Variants in MIR2052HG observed in about 807,000 individuals in gnomAD.
The protein encoded by MIR2052HG is MIR2052 host gene.
intron 2 of MIR2052HG, among the ~76,000 whole-genome samples, chr8:74,693,833 C>T (rs1180835786): frequency 6.6e-6 from 1 of 152,114 alleles, no homozygotes. Context: ...AGTCTGAGCT[C>T]AGACACCTCT....
At chr8:74,725,761 T>C (rs1354771743) in intron 4 of MIR2052HG, among the ~76,000 whole-genome samples, 1 of 152,190 alleles carries the variant, frequency 6.6e-6, no homozygotes, top group African/African-American at 2.4e-5. Context: ...ACAAAGTGCA[T>C]TTTAATTGCT....
chr8:74,687,171 G>A (rs1809189392), intron 2 of MIR2052HG, among the ~76,000 whole-genome samples: 1 of 152,096 alleles, frequency 6.6e-6, no homozygotes, highest in African/African-American at 2.4e-5. Flanking sequence ...CTGTTAGAAT[G>A]GCTAATATCA....
intron 2 of MIR2052HG, among the ~76,000 whole-genome samples, chr8:74,673,422 A>G (rs746259832): frequency 6.6e-5 from 10 of 152,014 alleles, no homozygotes; most frequent in African/African-American, 1.4e-4. Flanking sequence ...GATTTGCTCT[A>G]CTGATATTCT....
intron 2 of MIR2052HG, among the ~76,000 whole-genome samples, chr8:74,701,577 G>C (rs999478445): frequency 6.6e-6 from 1 of 152,044 alleles, no homozygotes; most frequent in Non-Finnish European, 1.5e-5. Flanking sequence ...CCTAGGTTAT[G>C]ACATTGGCTC....
chr8:74,754,671 AAG>A (rs1265940296), intron 5 of MIR2052HG, among the ~76,000 whole-genome samples: 1 of 152,136 alleles, frequency 6.6e-6, no homozygotes, highest in Non-Finnish European at 1.5e-5. Context: ...GAAGGCGAGA[AAG>A]AGAACTGTGG....
At chr8:74,644,649 G>T (rs1383561695) in intron 2 of MIR2052HG, among the ~76,000 whole-genome samples, 1 of 152,030 alleles carries the variant, frequency 6.6e-6, no homozygotes, top group African/African-American at 2.4e-5. Context: ...CTAGCACTTT[G>T]GGGGGCTGAG....
intron 4 of MIR2052HG, among the ~76,000 whole-genome samples, chr8:74,719,091 T>C (rs1206829441): frequency 1.4e-5 from 2 of 139,872 alleles, no homozygotes; most frequent in Non-Finnish European, 3.1e-5. Flanking sequence ...TTTTTTTTTT[T>C]CTGTGCACGT....
intron 2 of MIR2052HG, among the ~76,000 whole-genome samples, chr8:74,696,846 A>G (rs1220597313): frequency 6.6e-6 from 1 of 152,122 alleles, no homozygotes; most frequent in Non-Finnish European, 1.5e-5. Context: ...CACAAAAAAA[A>G]AAGTCCAGGA....
At chr8:74,604,807 T>A (rs938964087) in intron 1 of MIR2052HG, among the ~76,000 whole-genome samples, 2 of 152,006 alleles carry the variant, frequency 1.3e-5, no homozygotes, top group African/African-American at 4.8e-5. Context: ...TTAGTCAGGC[T>A]AGTCTTGAAC....
At chr8:74,724,487 A>G (rs1369754092) in intron 4 of MIR2052HG, among the ~76,000 whole-genome samples, 1 of 152,190 alleles carries the variant, frequency 6.6e-6, no homozygotes, top group Non-Finnish European at 1.5e-5. Flanking sequence ...TTTGCTTTTC[A>G]GAGAGAATAA....
chr8:74,715,910 G>C (rs562205714), intron 4 of MIR2052HG, among the ~76,000 whole-genome samples: 77 of 152,314 alleles, frequency 5.1e-4, no homozygotes, highest in Non-Finnish European at 9.3e-4. Context: ...ATTAGAAAAT[G>C]TATGCAAAAT....
chr8:74,714,987 T>C lies in MIR2052HG; in HGVS notation n.371+11305T>C, dbSNP rs148421056. 1.2e-4 allele frequency among the ~76,000 whole-genome samples: 19 copies of C among 152,304 alleles called. No individual in the cohort carries two copies. In the East Asian group the frequency reaches 3.7e-3, roughly 29 times the overall value. Reference sequence around the variant, plus strand: ...GAGCCACAGTGCCCGGTCCTACTTTTTCCTTTTCTATTGTTTTTTTATTGC... The same window carrying C: ...GAGCCACAGTGCCCGGTCCTACTTTCTCCTTTTCTATTGTTTTTTTATTGC... On this transcript the variant is annotated intron_variant and non_coding_transcript_variant, in intron 4 of 6. Coordinates refer to ENST00000523442, the Ensembl canonical transcript of MIR2052HG.
intron 2 of MIR2052HG, chr8:74,613,059 T>C: frequency 2.7e-6 from 1 of 364,556 alleles, no homozygotes; most frequent in South Asian, 2.0e-5. Context: ...AGAGCGTTGC[T>C]GATGAGAGAG....
intron 2 of MIR2052HG, among the ~76,000 whole-genome samples, chr8:74,667,733 AC>A (rs1003851657): frequency 3.9e-5 from 6 of 152,090 alleles, no homozygotes; most frequent in Admixed American, 3.9e-4. Context: ...TACCAAAGCC[AC>A]AGCTTTAACC....
At chr8:74,681,220 A>T (rs903044771) in intron 2 of MIR2052HG, among the ~76,000 whole-genome samples, 1 of 135,654 alleles carries the variant, frequency 7.4e-6, no homozygotes, top group African/African-American at 2.6e-5. Context: ...TAATAATAAT[A>T]AAAAAAAGAC....
intron 4 of MIR2052HG, among the ~76,000 whole-genome samples, chr8:74,739,145 G>A (rs1027719248): frequency 2.0e-5 from 3 of 152,124 alleles, no homozygotes; most frequent in African/African-American, 7.2e-5. Flanking sequence ...ATAAGCAATC[G>A]ATGTTGTGCT....
At chr8:74,632,932 T>C (rs959487486) in intron 2 of MIR2052HG, among the ~76,000 whole-genome samples, 3 of 152,190 alleles carry the variant, frequency 2.0e-5, no homozygotes, top group Non-Finnish European at 2.9e-5. Context: ...ATCTCACCAC[T>C]CCTCACTAGT....
rs186453075 is a variant in MIR2052HG at position 74,651,566 on chromosome 8, A to C, written n.216+38626A>C. Among the ~76,000 whole-genome samples, 416 of 152,330 alleles carry C rather than the reference A, an allele frequency of 2.7e-3. 2 individuals carry two copies. The highest frequency in any genetic ancestry group is 9.6e-3 in the African/African-American group (399 of 41,580). ...AGTCTACAATTTAGTGGAGAAGACA[A>C]AAAACAAAAAACAAAAATTTAGTAA... On this transcript the variant is annotated intron_variant and non_coding_transcript_variant, in intron 2 of 6. Transcript: ENST00000523442.
chr8:74,738,178 T>G (rs1391597596), intron 4 of MIR2052HG, among the ~76,000 whole-genome samples: 1 of 152,016 alleles, frequency 6.6e-6, no homozygotes, highest in Admixed American at 6.6e-5. Flanking sequence ...ATCTATCTTT[T>G]ATAGTTTTCT....
Sources: allele counts gnomAD v4.1 joint callset (sites outside exome capture counted in the v4.1 genomes callset), GRCh38; gene constraint gnomAD v4.1.1; transcripts MANE v1.5; gene names NCBI Gene and HGNC (gene_info 2026-07-23, HGNC 2026-07-21).